Variants in FRMD4B observed in about 807,000 individuals in gnomAD.
FRMD4B encodes the protein FERM domain containing 4B, also known as FERM domain-containing protein 4B.
FRMD4B carries 74 observed loss-of-function variants against 141.5 expected under a neutral mutation model. That is an observed-to-expected ratio of 0.52 (90% CI 0.43 to 0.63). The LOEUF (loss-of-function observed/expected upper bound fraction) is 0.63, where lower values mean the gene tolerates loss of function less well. FRMD4B is among the 30% of genes least tolerant of loss of function. The pLI is 0.00. For synonymous variants in FRMD4B, 506 were observed against 467.9 expected (o/e 1.08, Z -1.05); for missense variants, 1,366 against 1,253.4 (o/e 1.09, Z -1.36).
chr3:69,451,123 C>T (rs926554339), intron 1 of FRMD4B, among the ~76,000 whole-genome samples: 1 of 152,144 alleles, frequency 6.6e-6, no homozygotes, highest in Admixed American at 6.5e-5. Context: ...ACCAGCAGGG[C>T]CCCAGGGACC....
intron 1 of FRMD4B, among the ~76,000 whole-genome samples, chr3:69,520,294 AATAT>A (rs1211319446): frequency 9.6e-6 from 1 of 103,912 alleles, no homozygotes; most frequent in Non-Finnish European, 1.8e-5. Context: ...TATATGATGG[AATAT>A]ATATATATGA....
intron 8 of FRMD4B, among the ~76,000 whole-genome samples, chr3:69,223,815 C>T (rs533345389): frequency 3.3e-4 from 50 of 152,288 alleles, no homozygotes; most frequent in African/African-American, 1.2e-3. Context: ...GGCGACAGAG[C>T]AAGACTCTGT....
At chr3:69,375,635 A>T (rs556990933) in intron 1 of FRMD4B, among the ~76,000 whole-genome samples, 1 of 134,034 alleles carries the variant, frequency 7.5e-6, no homozygotes, top group African/African-American at 2.8e-5. Flanking sequence ...TGAACAAATG[A>T]AAAAATTGTA....
intron 7 of FRMD4B, among the ~76,000 whole-genome samples, chr3:69,241,334 C>A (rs911104579): frequency 2.0e-5 from 3 of 152,152 alleles, no homozygotes; most frequent in Non-Finnish European, 2.9e-5. Context: ...GTGGAAAATG[C>A]TGCTTATGTG....
intron 1 of FRMD4B, among the ~76,000 whole-genome samples, chr3:69,524,168 C>G (rs1227938375): frequency 6.6e-6 from 1 of 152,164 alleles, no homozygotes. Flanking sequence ...TCAGCAACAG[C>G]TCAGTATTAT....
At chr3:69,231,629 G>A (rs1004629818) in intron 7 of FRMD4B, among the ~76,000 whole-genome samples, 6 of 152,172 alleles carry the variant, frequency 3.9e-5, no homozygotes, top group African/African-American at 1.4e-4. Context: ...CAATATACAT[G>A]TTTTACACAT....
intron 1 of FRMD4B, among the ~76,000 whole-genome samples, chr3:69,341,215 C>T (rs1036283890): frequency 3.3e-5 from 5 of 152,136 alleles, no homozygotes; most frequent in African/African-American, 1.2e-4. Context: ...AAGGTGGGCA[C>T]TTGGAGATGT....
chr3:69,528,272 A>G (rs1233453026), intron 1 of FRMD4B, among the ~76,000 whole-genome samples: 2 of 118,492 alleles, frequency 1.7e-5, no homozygotes, highest in Admixed American at 1.9e-4. Context: ...CTTCCTTCCT[A>G]CCTTCCTTCC....
intron 1 of FRMD4B, among the ~76,000 whole-genome samples, chr3:69,450,131 AG>A (rs1705472013): frequency 6.6e-6 from 1 of 150,520 alleles, no homozygotes; most frequent in South Asian, 2.1e-4. Context: ...AAATTTGTAA[AG>A]CATCTCATAC....
chr3:69,325,586 G>A (rs1372883983), intron 1 of FRMD4B, among the ~76,000 whole-genome samples: 1 of 152,154 alleles, frequency 6.6e-6, no homozygotes, highest in Non-Finnish European at 1.5e-5. Flanking sequence ...TCCCAGCCCT[G>A]CTATTTACCT....
intron 1 of FRMD4B, among the ~76,000 whole-genome samples, chr3:69,360,380 C>A (rs1703438266): frequency 6.6e-6 from 1 of 152,070 alleles, no homozygotes; most frequent in Non-Finnish European, 1.5e-5. Flanking sequence ...AAACATAACC[C>A]TAAATACTTA....
At chr3:69,219,556 C>T (rs1033383300) in intron 9 of FRMD4B, among the ~76,000 whole-genome samples, 1 of 151,994 alleles carries the variant, frequency 6.6e-6, no homozygotes, top group African/African-American at 2.4e-5. Flanking sequence ...TTAGATGAAG[C>T]CACACAATAA....
chr3:69,366,277 ACAAAAAC>A (rs1559832069), intron 1 of FRMD4B, among the ~76,000 whole-genome samples: 3,508 of 112,490 alleles, frequency 0.031, 117 homozygotes, highest in African/African-American at 0.087. Flanking sequence ...AAAAACAAAA[ACAAAAAC>A]AAAAAAAATT....
At chr3:69,363,193 T>C (rs4317105) in intron 1 of FRMD4B, among the ~76,000 whole-genome samples, 45,442 of 150,044 alleles carry the variant, frequency 0.3, 7,962 homozygotes, top group Non-Finnish European at 0.39. Context: ...ATAGCTGCCA[T>C]CCTTGAAGCT....
intron 1 of FRMD4B, among the ~76,000 whole-genome samples, chr3:69,373,409 T>C (rs560425501): frequency 1.3e-5 from 2 of 152,210 alleles, no homozygotes; most frequent in Non-Finnish European, 2.9e-5. Context: ...TTTAGACACA[T>C]CTAAGCTCCA....
intron 1 of FRMD4B, among the ~76,000 whole-genome samples, chr3:69,449,722 T>C (rs200123814): frequency 2.4e-4 from 36 of 152,244 alleles, no homozygotes; most frequent in Middle Eastern, 3.4e-3. Flanking sequence ...ATTTTTTTTT[T>C]CCCCTAAGGC....
intron 7 of FRMD4B, among the ~76,000 whole-genome samples, chr3:69,226,698 T>C (rs1410927126): frequency 1.3e-5 from 2 of 152,184 alleles, no homozygotes; most frequent in African/African-American, 2.4e-5. Flanking sequence ...CAGAAGTTGC[T>C]ATTTATCATA....
chr3:69,339,410 C>G (rs181406027), intron 1 of FRMD4B, among the ~76,000 whole-genome samples: 36 of 152,168 alleles, frequency 2.4e-4, no homozygotes, highest in Admixed American at 7.9e-4. Context: ...TCATTTAATC[C>G]CTTTTAGTCT....
At chr3:69,391,248 A>ATT (rs71115691) in intron 2 of FRMD4B, among the ~76,000 whole-genome samples, 2 of 149,748 alleles carry the variant, frequency 1.3e-5, no homozygotes, top group Non-Finnish European at 3.0e-5. Flanking sequence ...ATTTATTTTT[A>ATT]TTTTTTTTTA....
Sources: gnomAD v4.1 joint callset for allele counts (sites outside exome capture counted in the v4.1 genomes callset) on GRCh38, gnomAD v4.1.1 for gene constraint, MANE v1.5 for transcripts, NCBI Gene and HGNC (gene_info 2026-07-23, HGNC 2026-07-21) for gene names.